The following GMDS variants were observed in gnomAD, a reference collection of about 807,000 sequenced individuals.
GMDS encodes GDP-mannose 4,6-dehydratase.
Under a neutral mutation model 49.9 loss-of-function variants are expected in GMDS, and 20 were observed. The ratio of observed to expected loss-of-function variants is 0.40; its 90% CI spans 0.28 to 0.58. The LOEUF (loss-of-function observed/expected upper bound fraction) is 0.58. Among genes scored for constraint, GMDS ranks in the 20% least tolerant of loss-of-function variants. The pLI is 0.42. For missense variants in GMDS, 362 were observed against 481.4 expected (o/e 0.75, Z 2.32); for synonymous variants, 177 against 178.6 (o/e 0.99, Z 0.07).
At chr6:1,991,911 G>A (rs995914643) in intron 4 of GMDS, among the ~76,000 whole-genome samples, 13 of 152,206 alleles carry the variant, frequency 8.5e-5, no homozygotes, top group African/African-American at 1.9e-4. Flanking sequence ...GGGAGATGTC[G>A]TGTGATGATG....
At chr6:2,194,638 A>G (rs996415894) in intron 1 of GMDS, among the ~76,000 whole-genome samples, 1 of 152,264 alleles carries the variant, frequency 6.6e-6, no homozygotes, top group African/African-American at 2.4e-5. Context: ...AATTAAGGTT[A>G]AAAAGTGCTA....
chr6:1,661,412 T>C (rs1581425862), intron 9 of GMDS, among the ~76,000 whole-genome samples: 1 of 152,330 alleles, frequency 6.6e-6, no homozygotes, highest in Non-Finnish European at 1.5e-5. Flanking sequence ...CATTAATTAA[T>C]TAATATAGAC....
chr6:2,166,613 A>G (rs1777682980), intron 1 of GMDS, among the ~76,000 whole-genome samples: 1 of 152,200 alleles, frequency 6.6e-6, no homozygotes, highest in African/African-American at 2.4e-5. Context: ...CTTCATCTGG[A>G]ATGGCAGAGT....
intron 4 of GMDS, among the ~76,000 whole-genome samples, chr6:2,079,806 G>A (rs7745086): frequency 0.2 from 30,882 of 151,888 alleles, 3,522 homozygotes; most frequent in Non-Finnish European, 0.24. Flanking sequence ...ATATGTTTGC[G>A]GATCTTGGAG....
chr6:2,166,267 T>C (rs1777666703), intron 1 of GMDS, among the ~76,000 whole-genome samples: 1 of 152,162 alleles, frequency 6.6e-6, no homozygotes, highest in South Asian at 2.1e-4. Context: ...TTACTGAAAC[T>C]CCATAAAGTA....
At chr6:2,169,371 C>T (rs945012549) in intron 1 of GMDS, among the ~76,000 whole-genome samples, 1 of 152,120 alleles carries the variant, frequency 6.6e-6, no homozygotes, top group Admixed American at 6.5e-5. Flanking sequence ...CTTTGGGAGG[C>T]CAAGGTGGGA....
At chr6:1,656,718 C>T (rs1026861991) in intron 9 of GMDS, among the ~76,000 whole-genome samples, 3 of 151,662 alleles carry the variant, frequency 2.0e-5, no homozygotes, top group East Asian at 1.9e-4. Flanking sequence ...GAGCCGAGAT[C>T]GCGCCACTGC....
At chr6:2,195,460 T>C (rs905253743) in intron 1 of GMDS, among the ~76,000 whole-genome samples, 3 of 152,208 alleles carry the variant, frequency 2.0e-5, no homozygotes, top group Non-Finnish European at 4.4e-5. Flanking sequence ...TTCTTGAACT[T>C]TGCTGCATAT....
Position 1,992,172 on chromosome 6 carries a change from C to T in GMDS, c.346-31206G>A, listed in dbSNP as rs1470421313. On this transcript the variant is annotated intron_variant, in intron 4 of 10. Transcript: ENST00000380815. ...CATATATTCTGAGTTTCTGAGTATT[C>T]CCCAAGGGGTATTTCTAGCCCAGTA... is the stretch of plus-strand genomic sequence containing the variant. 2.6e-5 allele frequency among the ~76,000 whole-genome samples: 4 copies of T among 152,168 alleles called. No homozygotes were observed. The South Asian group carries it at 6.2e-4, about 24-fold the overall frequency.
chr6:1,939,035 C>T (rs1762687558), intron 6 of GMDS, among the ~76,000 whole-genome samples: 1 of 138,918 alleles, frequency 7.2e-6, no homozygotes, highest in South Asian at 2.5e-4. Flanking sequence ...TCTTTTTTGG[C>T]ACATCCAAAG....
chr6:2,059,358 T>C (rs1322382051), intron 4 of GMDS, among the ~76,000 whole-genome samples: 1 of 151,966 alleles, frequency 6.6e-6, no homozygotes, highest in Non-Finnish European at 1.5e-5. Context: ...ACAGAGCTCA[T>C]TATCATCCGC....
chr6:1,880,551 C>T (rs1759314204), intron 7 of GMDS, among the ~76,000 whole-genome samples: 2 of 152,158 alleles, frequency 1.3e-5, no homozygotes, highest in Non-Finnish European at 2.9e-5. Context: ...GAGCACTCTT[C>T]CTTTCCCTAA....
At chr6:2,141,935 C>G (rs2127529052) in intron 1 of GMDS, among the ~76,000 whole-genome samples, 1 of 152,150 alleles carries the variant, frequency 6.6e-6, no homozygotes, top group Admixed American at 6.5e-5. Context: ...CACCTACACT[C>G]CCCCTTCTCT....
intron 4 of GMDS, among the ~76,000 whole-genome samples, chr6:2,089,193 G>A (rs1346078542): frequency 6.6e-6 from 1 of 151,990 alleles, no homozygotes; most frequent in Non-Finnish European, 1.5e-5. Flanking sequence ...CTTTTATCTG[G>A]GGCCAGATTA....
intron 7 of GMDS, among the ~76,000 whole-genome samples, chr6:1,852,795 C>A (rs1371994911): frequency 6.7e-6 from 1 of 149,532 alleles, no homozygotes; most frequent in African/African-American, 2.5e-5. Flanking sequence ...CAACCTCTGC[C>A]TTCCGGGTTC....
chr6:2,102,536 C>G (rs187877126), intron 4 of GMDS, among the ~76,000 whole-genome samples: 1 of 152,152 alleles, frequency 6.6e-6, no homozygotes, highest in East Asian at 1.9e-4. Flanking sequence ...TAATGAAAAC[C>G]GTGGCAGTGA....
intron 7 of GMDS, among the ~76,000 whole-genome samples, chr6:1,927,136 C>G (rs200896721): frequency 1.9e-3 from 90 of 48,168 alleles, no homozygotes; most frequent in East Asian, 3.5e-3. Flanking sequence ...CAGAGGGTAG[C>G]GTGTTGATGT....
intron 4 of GMDS, among the ~76,000 whole-genome samples, chr6:1,983,000 A>G (rs1206164821): frequency 6.6e-6 from 1 of 152,204 alleles, no homozygotes; most frequent in Non-Finnish European, 1.5e-5. Flanking sequence ...TACAGTAATC[A>G]AAACAGCATG....
chr6:2,124,662 G>A (rs374399584), intron 2 of GMDS, 25 bp downstream of exon 2: 41 of 1,601,950 alleles, frequency 2.6e-5, no homozygotes, highest in Middle Eastern at 1.6e-4. Context: ...ACCAGCCTGC[G>A]CCCGCTTCCC....
Sources: gnomAD v4.1 joint callset for allele counts (sites outside exome capture counted in the v4.1 genomes callset) on GRCh38, gnomAD v4.1.1 for gene constraint, MANE v1.5 for transcripts, NCBI Gene and HGNC (gene_info 2026-07-23, HGNC 2026-07-21) for gene names.